Variants in MYT1L observed in about 807,000 individuals in gnomAD.
The protein encoded by MYT1L is myelin transcription factor 1 like.
A neutral mutation model predicts 126.7 loss-of-function variants in MYT1L; 12 were observed. The ratio of observed to expected loss-of-function variants is 0.09; its 90% CI spans 0.06 to 0.15. The LOEUF is 0.15. MYT1L is among the 10% of genes least tolerant of loss of function. The pLI, the probability that MYT1L is intolerant of heterozygous loss-of-function variation, is 1.00. For missense variants in MYT1L, 979 were observed against 1,585.2 expected, an observed-to-expected ratio of 0.62 and a Z score of 6.49; for synonymous variants, 541 against 604.2, an observed-to-expected ratio of 0.90 and a Z score of 1.53.
chr2:2,086,183 C>G (rs1017409474), intron 3 of MYT1L, among the ~76,000 whole-genome samples: 4 of 152,080 alleles, frequency 2.6e-5, no homozygotes, highest in African/African-American at 9.7e-5. Context: ...TCACAGTTTA[C>G]TCTTTAGTAA....
rs1161893512 is a variant in MYT1L, at chr2:1,806,494, G to A, written c.3172+2582C>T. Among the ~76,000 whole-genome samples the A allele has an allele frequency of 6.6e-6, 1 of 152,210 alleles. No individual in the cohort carries two copies. The highest frequency in any genetic ancestry group is 1.5e-5 in the Non-Finnish European group (1 of 68,030). The stretch of plus-strand genomic sequence containing the variant: ...ATGCCCGTGTCCCGGCTGCTTTCTG[G>A]TGGGATGACACCCAGTTGTTGGTTC... On this transcript the variant is annotated intron_variant, in intron 22 of 24. Transcript: ENST00000647738. This position sits in a 1 kb window ranked among gnomAD's most constrained non-coding sequence, Gnocchi z 4.9.
chr2:1,881,793 G>A (rs2047587382), intron 18 of MYT1L, among the ~76,000 whole-genome samples: 1 of 152,240 alleles, frequency 6.6e-6, no homozygotes, highest in East Asian at 1.9e-4. Context: ...TTCTCTGTGT[G>A]TGTGTGCATG....
chr2:2,319,162 T>C (rs1420857221), intron 1 of MYT1L: 1 of 152,184 alleles, frequency 6.6e-6, no homozygotes, highest in Non-Finnish European at 1.5e-5. Context: ...ACTGCTTATG[T>C]CACAGAGAAG....
intron 2 of MYT1L, among the ~76,000 whole-genome samples, chr2:2,211,481 T>G (rs1480186608): frequency 6.6e-6 from 1 of 152,166 alleles, no homozygotes; most frequent in African/African-American, 2.4e-5. Flanking sequence ...AGCACATGTC[T>G]TTATTACAAG....
chr2:2,167,272 G>A (rs1036545153), intron 3 of MYT1L, among the ~76,000 whole-genome samples: 3 of 152,174 alleles, frequency 2.0e-5, no homozygotes, highest in Non-Finnish European at 2.9e-5. Context: ...TTTCAAAGCT[G>A]TACTGTGAAG....
intron 2 of MYT1L, among the ~76,000 whole-genome samples, chr2:2,277,714 A>C (rs775650888): frequency 2.2e-4 from 34 of 152,238 alleles, no homozygotes; most frequent in Non-Finnish European, 4.7e-4. Flanking sequence ...GTGTTATGTA[A>C]AGGTAAACTA....
At chr2:1,969,355 A>T (rs2059632190) in intron 8 of MYT1L, among the ~76,000 whole-genome samples, 1 of 152,220 alleles carries the variant, frequency 6.6e-6, no homozygotes, top group Non-Finnish European at 1.5e-5. Context: ...TTGCTCACCC[A>T]GAATAAATTC....
chr2:2,146,578 C>A (rs941074585), intron 3 of MYT1L, among the ~76,000 whole-genome samples: 2 of 152,182 alleles, frequency 1.3e-5, no homozygotes, highest in South Asian at 4.1e-4. Flanking sequence ...AAAGATGCAA[C>A]CTAAAATGCC....
At position 2,062,224 on chromosome 2, in the gene MYT1L, T is replaced by C. The variant is rs145371164; in HGVS notation, c.-303-8101A>G. Among the ~76,000 whole-genome samples the C allele has an allele frequency of 1.4e-4, 22 of 152,352 alleles. No individual in the cohort carries two copies. In the East Asian group the frequency reaches 2.9e-3, roughly 20 times the overall value. Reference sequence around the variant, plus strand: ...CCAGATGAACCACACATTAATACTATGTTTCTTATCTGCACATTACTACCC... The same window carrying C: ...CCAGATGAACCACACATTAATACTACGTTTCTTATCTGCACATTACTACCC... On this transcript the variant is annotated intron_variant, in intron 3 of 24. Transcript: ENST00000647738.
chr2:1,835,842 T>C (rs996186135), intron 21 of MYT1L, among the ~76,000 whole-genome samples: 11 of 152,158 alleles, frequency 7.2e-5, no homozygotes, highest in African/African-American at 2.4e-4. Context: ...AGCCAGCCCA[T>C]GGCAGGGCTC....
At chr2:2,180,284 T>C (rs1045728658) in intron 2 of MYT1L, among the ~76,000 whole-genome samples, 1 of 152,170 alleles carries the variant, frequency 6.6e-6, no homozygotes, top group Non-Finnish European at 1.5e-5. Flanking sequence ...GGTGAATTCT[T>C]CATTTGTTTA....
intron 13 of MYT1L, among the ~76,000 whole-genome samples, chr2:1,904,106 T>C (rs1203375683): frequency 6.6e-6 from 1 of 152,226 alleles, no homozygotes; most frequent in African/African-American, 2.4e-5. Context: ...ACCATCTTCA[T>C]AACCGTCAGA....
At chr2:1,960,346 C>G (rs753800729) in intron 8 of MYT1L, among the ~76,000 whole-genome samples, 1 of 152,228 alleles carries the variant, frequency 6.6e-6, no homozygotes, top group Non-Finnish European at 1.5e-5. Flanking sequence ...ATACCAAGGA[C>G]AGGGCGGGGG....
chr2:2,239,567 C>T (rs1047219726), intron 2 of MYT1L, among the ~76,000 whole-genome samples: 2 of 152,202 alleles, frequency 1.3e-5, no homozygotes, highest in Non-Finnish European at 1.5e-5. Flanking sequence ...GGATGGGCAA[C>T]GTCCTTCGGG....
At chr2:2,216,843 T>C (rs2093691317) in intron 2 of MYT1L, among the ~76,000 whole-genome samples, 1 of 151,640 alleles carries the variant, frequency 6.6e-6, no homozygotes, top group East Asian at 1.9e-4. Flanking sequence ...AGAGAGAAAA[T>C]GTCAATAGTG....
intron 8 of MYT1L, among the ~76,000 whole-genome samples, chr2:1,947,515 C>T (rs2057347093): frequency 6.6e-6 from 1 of 152,140 alleles, no homozygotes; most frequent in Non-Finnish European, 1.5e-5. Context: ...CCTTGGAGAA[C>T]ATGTCTGGGC....
At chr2:1,982,352 C>T (rs1029747101) in intron 5 of MYT1L, among the ~76,000 whole-genome samples, 6 of 152,116 alleles carry the variant, frequency 3.9e-5, no homozygotes, top group East Asian at 1.9e-4. Flanking sequence ...GGGGTAAAAT[C>T]GTATTCTTTA....
At chr2:2,067,620 A>C (rs773341001) in intron 3 of MYT1L, among the ~76,000 whole-genome samples, 6 of 152,172 alleles carry the variant, frequency 3.9e-5, no homozygotes, top group African/African-American at 7.2e-5. Context: ...AACATAGATG[A>C]CTATGTACTT....
chr2:2,231,299 T>C (rs897227951), intron 2 of MYT1L, among the ~76,000 whole-genome samples: 1 of 152,226 alleles, frequency 6.6e-6, no homozygotes, highest in African/African-American at 2.4e-5. Flanking sequence ...CGTCTGTCTG[T>C]CTGTCATTTG....
Sources: allele counts gnomAD v4.1 joint callset (sites outside exome capture counted in the v4.1 genomes callset), GRCh38; gene constraint gnomAD v4.1.1; non-coding constraint Gnocchi (gnomAD v3.1); transcripts MANE v1.5; gene names NCBI Gene and HGNC (gene_info 2026-07-23, HGNC 2026-07-21).